The following CNTNAP4 variants were observed in gnomAD, a reference collection of about 807,000 sequenced individuals.
The protein encoded by CNTNAP4 is contactin associated protein family member 4, also known as contactin-associated protein-like 4.
Under a neutral mutation model 148.4 loss-of-function variants are expected in CNTNAP4, and 98 were observed. The ratio of observed to expected loss-of-function variants is 0.66; its 90% confidence interval spans 0.56 to 0.78. The LOEUF (loss-of-function observed/expected upper bound fraction) is 0.78. Among genes scored for constraint, CNTNAP4 ranks in the 30% least tolerant of loss-of-function variants. The pLI is 0.00. For missense variants in CNTNAP4, 1,935 were observed against 1,565.6 expected (o/e 1.24, Z -3.98); for synonymous variants, 730 against 565.1 (o/e 1.29, Z -4.14).
In CNTNAP4 at chr16:76,299,587, C is replaced by T. The variant is rs560941652; in HGVS notation, c.86-16826C>T. On this transcript the variant is annotated intron_variant, in intron 1 of 23. Transcript: ENST00000611870. The stretch of plus-strand genomic sequence containing the variant: ...TCAACCATTGTGGAAGTCAGTGTGG[C>T]GATTCCTCAGGGATCTAGAACTAGA... Among the ~76,000 whole-genome samples the T allele has an allele frequency of 2.8e-4, 43 of 152,142 alleles. No homozygotes were observed. The East Asian group carries it at 6.8e-3, about 24-fold the overall frequency.
intron 10 of CNTNAP4, 40 bp from the exon 11 acceptor site, chr16:76,475,899 A>G: frequency 6.9e-7 from 1 of 1,455,696 alleles, no homozygotes; most frequent in South Asian, 1.2e-5. Flanking sequence ...TAAGATATCT[A>G]AAAATGGAAA....
chr16:76,419,637 T>G (rs1353430705), intron 3 of CNTNAP4, among the ~76,000 whole-genome samples: 1 of 152,044 alleles, frequency 6.6e-6, no homozygotes, highest in Non-Finnish European at 1.5e-5. Context: ...CTTTGGATGG[T>G]CCCGTCCCTC....
intron 17 of CNTNAP4, among the ~76,000 whole-genome samples, chr16:76,527,272 T>C (rs951088130): frequency 1.3e-5 from 2 of 152,166 alleles, no homozygotes; most frequent in African/African-American, 4.8e-5. Flanking sequence ...CCTTCTCCCA[T>C]TCCCTCGCAT....
chr16:76,460,306 T>C (rs2080892299), intron 8 of CNTNAP4, among the ~76,000 whole-genome samples: 1 of 151,630 alleles, frequency 6.6e-6, no homozygotes, highest in African/African-American at 2.4e-5. Flanking sequence ...ATAGGGTTTC[T>C]CCATGTTGGC....
intron 4 of CNTNAP4, among the ~76,000 whole-genome samples, chr16:76,429,537 G>A (rs1456268484): frequency 6.6e-6 from 1 of 152,122 alleles, no homozygotes; most frequent in Non-Finnish European, 1.5e-5. Context: ...CACACCCTTA[G>A]TATGCATTAA....
chr16:76,551,402 A>ATATAT (rs1555604351), intron 21 of CNTNAP4, among the ~76,000 whole-genome samples: 5 of 71,970 alleles, frequency 6.9e-5, no homozygotes, highest in East Asian at 4.5e-4. Context: ...TGTTAAAAAA[A>ATATAT]AAATATATAT....
At chr16:76,408,486 G>A (rs145371021) in intron 3 of CNTNAP4, among the ~76,000 whole-genome samples, 2 of 148,484 alleles carry the variant, frequency 1.3e-5, no homozygotes, top group Non-Finnish European at 2.9e-5. Context: ...TACCCATTCC[G>A]AGGTCCCAAG....
chr16:76,291,554 C>G (rs1362674037), intron 1 of CNTNAP4, among the ~76,000 whole-genome samples: 1 of 152,130 alleles, frequency 6.6e-6, no homozygotes, highest in Non-Finnish European at 1.5e-5. Context: ...TCCAGTTGTG[C>G]TGTGATTTGC....
intron 3 of CNTNAP4, among the ~76,000 whole-genome samples, chr16:76,385,606 G>T (rs570818304): frequency 2.6e-5 from 4 of 151,702 alleles, no homozygotes; most frequent in South Asian, 4.2e-4. Context: ...CTCATTATGC[G>T]TGGAAATTAT....
chr16:76,446,576 A>C (rs574083824), intron 4 of CNTNAP4, among the ~76,000 whole-genome samples: 113 of 152,242 alleles, frequency 7.4e-4, no homozygotes, highest in African/African-American at 2.6e-3. Context: ...TAGATAAGAC[A>C]GTCAGAAAGT....
At chr16:76,510,334 TC>T (rs1372848713) in intron 15 of CNTNAP4, among the ~76,000 whole-genome samples, 5 of 152,200 alleles carry the variant, frequency 3.3e-5, no homozygotes, top group Admixed American at 2.0e-4. Context: ...AACGCTTCAT[TC>T]TTTTTTATGA....
intron 1 of CNTNAP4, among the ~76,000 whole-genome samples, chr16:76,288,051 A>G (rs1958958567): frequency 6.6e-6 from 1 of 152,036 alleles, no homozygotes; most frequent in Non-Finnish European, 1.5e-5. Flanking sequence ...TTGAATTGTA[A>G]TAACTCCCAC....
chr16:76,502,500 G>T (rs1359093457), intron 15 of CNTNAP4, among the ~76,000 whole-genome samples: 1 of 151,884 alleles, frequency 6.6e-6, no homozygotes. Flanking sequence ...AAGGCATCAG[G>T]ACTACACATT....
chr16:76,345,297 A>G (rs576883438), intron 2 of CNTNAP4, among the ~76,000 whole-genome samples: 1 of 152,292 alleles, frequency 6.6e-6, no homozygotes, highest in South Asian at 2.1e-4. Flanking sequence ...TTCTTCTCTT[A>G]GGCTCTGACT....
intron 23 of CNTNAP4, among the ~76,000 whole-genome samples, chr16:76,554,516 G>A (rs62045775): frequency 0.3 from 45,137 of 151,820 alleles, 6,785 homozygotes; most frequent in South Asian, 0.35. Context: ...TTTAAAGTAT[G>A]TCTCCCTGGA....
At chr16:76,441,350 A>G (rs773072971) in intron 4 of CNTNAP4, among the ~76,000 whole-genome samples, 3 of 152,198 alleles carry the variant, frequency 2.0e-5, no homozygotes, top group Non-Finnish European at 4.4e-5. Context: ...CAACTCCCTG[A>G]AAGATATTTG....
Position 76,535,721 on chromosome 16 carries a change from A to G in CNTNAP4, c.2932A>G (p.Arg978Gly), listed in dbSNP as rs2084185514. The change falls in exon 18 of 24, where the codon AGA (arginine) becomes GGA (glycine). Residue 978 changes from arginine to glycine, a missense_variant. Physicochemically the swap from Arg to Gly is moderately radical, Grantham distance 125. Transcript: ENST00000611870. ...CCGCAATGGAGGGAAATGCAGAGAA[A>G]GACCCATTGGGTTCTTTTGTGACTG... ...LCRNGGKCRE[R>G]PIGFFCDCTF... is the part of the protein sequence containing the mutation. 6.2e-7 allele frequency: 1 copy of G among 1,614,008 alleles called. No individual in the cohort carries two copies. Among genetic ancestry groups the G allele is most frequent in the African/African-American group, 1.3e-5 (1 of 75,060 alleles).
intron 2 of CNTNAP4, among the ~76,000 whole-genome samples, chr16:76,334,161 C>A (rs1963808314): frequency 6.9e-6 from 1 of 145,098 alleles, no homozygotes; most frequent in Non-Finnish European, 1.5e-5. Flanking sequence ...TGCACATGTA[C>A]CCTAAAACTT....
chr16:76,327,908 C>G (rs929315256), intron 2 of CNTNAP4, among the ~76,000 whole-genome samples: 5 of 132,938 alleles, frequency 3.8e-5, no homozygotes, highest in African/African-American at 1.5e-4. Flanking sequence ...TTTCCTTTGG[C>G]CTTCCGTCAT....
Sources: allele counts gnomAD v4.1 joint callset (sites outside exome capture counted in the v4.1 genomes callset), GRCh38; gene constraint gnomAD v4.1.1; transcripts MANE v1.5; gene names NCBI Gene and HGNC (gene_info 2026-07-23, HGNC 2026-07-21).